RAB11FIP3: variants seen among roughly 807,000 people sequenced by gnomAD.
RAB11FIP3 encodes the protein rab11 family-interacting protein 3.
RAB11FIP3 carries 17 observed loss-of-function variants against 77.8 expected under a neutral mutation model. That is an observed-to-expected ratio of 0.22 (90% CI 0.15 to 0.33). RAB11FIP3 has a LOEUF of 0.33. RAB11FIP3 is among the 10% of genes least tolerant of loss of function. The probability of loss-of-function intolerance (pLI) is 1.00; values close to 1 mark genes in which losing one functional copy is unlikely to be tolerated. For synonymous variants in RAB11FIP3, 437 were observed against 448.2 expected (o/e 0.98, Z 0.31); for missense variants, 1,005 against 1,011.2 (o/e 0.99, Z 0.08).
chr16:466,555 C>A (rs557096531), intron 2 of RAB11FIP3, among the ~76,000 whole-genome samples: 1 of 152,206 alleles, frequency 6.6e-6, no homozygotes, highest in African/African-American at 2.4e-5. Context: ...CTGCTGCCCT[C>A]GGAGGAGCCC....
chr16:480,906 G>A (rs2056026587), intron 3 of RAB11FIP3, among the ~76,000 whole-genome samples: 1 of 112,472 alleles, frequency 8.9e-6, no homozygotes, highest in South Asian at 2.9e-4. Context: ...CACCTCCCTG[G>A]TTCAAGCAAT....
intron 1 of RAB11FIP3, among the ~76,000 whole-genome samples, chr16:442,911 C>T (rs569694260): frequency 2.8e-4 from 42 of 152,264 alleles, no homozygotes; most frequent in Non-Finnish European, 3.5e-4. Context: ...AGTTTTATTT[C>T]ATTCCAACAT....
chr16:507,505 C>A lies in RAB11FIP3; in HGVS notation c.1499+1878C>A, dbSNP rs888092301. Among the ~76,000 whole-genome samples the A allele has an allele frequency of 1.4e-4, 21 of 152,368 alleles. No homozygotes were observed. Among genetic ancestry groups the A allele is most frequent in the South Asian group, 2.1e-4 (1 of 4,830 alleles). ...CAAGCGATCCTCCCACCTTGGCCCCCCAAAGTGCTGAAATCAGAGGCGTGA... is the reference window on the plus strand; with the variant it reads ...CAAGCGATCCTCCCACCTTGGCCCCACAAAGTGCTGAAATCAGAGGCGTGA... On this transcript the variant is annotated intron_variant, in intron 8 of 13. Coordinates refer to ENST00000262305, the MANE Select transcript of RAB11FIP3 (RefSeq NM_014700.4). The surrounding 1 kb of genome is among the most constrained non-coding windows in gnomAD (Gnocchi z 4.6).
At chr16:483,953 G>A (rs1435447946) in intron 4 of RAB11FIP3, among the ~76,000 whole-genome samples, 1 of 152,082 alleles carries the variant, frequency 6.6e-6, no homozygotes, top group African/African-American at 2.4e-5. Flanking sequence ...CATCTTGCAT[G>A]TAGGGTTGAT....
chr16:483,506 C>T (rs2056087876), intron 4 of RAB11FIP3, among the ~76,000 whole-genome samples: 1 of 152,206 alleles, frequency 6.6e-6, no homozygotes, highest in African/African-American at 2.4e-5. Context: ...CACCACATTC[C>T]AGCCTGACTC....
chr16:463,042 G>T (rs1390135836), intron 2 of RAB11FIP3, among the ~76,000 whole-genome samples: 5 of 152,176 alleles, frequency 3.3e-5, no homozygotes, highest in Non-Finnish European at 5.9e-5. Context: ...CTGTATCTAG[G>T]AGTGGGTCAT....
At chr16:467,943 C>A (rs375317863) in intron 2 of RAB11FIP3, among the ~76,000 whole-genome samples, 27 of 95,812 alleles carry the variant, frequency 2.8e-4, no homozygotes, top group African/African-American at 9.8e-4. Context: ...GGTGCAGGGG[C>A]GTCAGGGAGG....
chr16:441,808 C>T (rs2141862321), intron 1 of RAB11FIP3, among the ~76,000 whole-genome samples: 1 of 152,318 alleles, frequency 6.6e-6, no homozygotes, highest in Middle Eastern at 3.4e-3. Flanking sequence ...AATTCCACAA[C>T]TCTTGAACTA....
chr16:474,132 T>A (rs186265782), intron 3 of RAB11FIP3, among the ~76,000 whole-genome samples: 145 of 151,976 alleles, frequency 9.5e-4, no homozygotes, highest in Non-Finnish European at 3.2e-4. Flanking sequence ...AAAAAAAAAG[T>A]CTAATAAAGA....
rs377184729 is a variant in RAB11FIP3 at position 482,748 on chromosome 16, G to A, written c.1115+12G>A. 210 of 1,582,214 alleles carry A rather than the reference G, an allele frequency of 1.3e-4. No individual in the cohort carries two copies. The highest frequency in any genetic ancestry group is 2.0e-4 in the Admixed American group (11 of 55,852). ...CTGCTCCCAGGCAGGTCTGTACCCC[G>A]CCACGGGCCTCCTGGAGAGGCCTTG... On this transcript the variant is annotated intron_variant, in intron 4 of 13. Transcript: ENST00000262305.
chr16:452,203 T>G (rs2055419951), intron 1 of RAB11FIP3, among the ~76,000 whole-genome samples: 1 of 150,958 alleles, frequency 6.6e-6, no homozygotes, highest in South Asian at 2.1e-4. Flanking sequence ...GGCATAGTGG[T>G]GGGGGCCTGT....
rs750314869 is a variant in RAB11FIP3, at chr16:518,257, T to C, written c.1641-686T>C. ...CTATGCTCGGCTAATTTTTGTATTT[T>C]TTTATAGAGATGGGGGTCTCACTAT... is the stretch of plus-strand genomic sequence containing the variant. On this transcript the variant is annotated intron_variant, in intron 9 of 13. Coordinates refer to ENST00000262305, the MANE Select transcript of RAB11FIP3 (RefSeq NM_014700.4). Among the ~76,000 whole-genome samples the C allele has an allele frequency of 2.8e-4, 42 of 152,324 alleles. 1 individual carries two copies. The highest frequency in any genetic ancestry group is 1.0e-3 in the South Asian group (5 of 4,828).
intron 3 of RAB11FIP3, among the ~76,000 whole-genome samples, chr16:475,301 T>A (rs1438447541): frequency 6.6e-6 from 1 of 152,246 alleles, no homozygotes; most frequent in Non-Finnish European, 1.5e-5. Flanking sequence ...AGCGACGTTT[T>A]CCAAGATGCA....
At chr16:491,122 C>T (rs1392672275) in intron 5 of RAB11FIP3, 3 of 1,291,658 alleles carry the variant, frequency 2.3e-6, no homozygotes, top group African/African-American at 3.0e-5. Flanking sequence ...ACGGATGCTT[C>T]TGTCTCTCTA....
rs368579079 is a variant in RAB11FIP3 at position 472,472 on chromosome 16, G to T, written c.903+1083G>T. ...CGTGTGGTGGGAGTTGGACCCTCTC[G>T]CATGGCTGCAGTGTGCAGAACGTGC... On this transcript the variant is annotated intron_variant, in intron 3 of 13. Transcript: ENST00000262305. This position sits in a 1 kb window ranked among gnomAD's most constrained non-coding sequence, Gnocchi z 4.1. Among the ~76,000 whole-genome samples, 1 of 152,190 alleles carries T rather than the reference G, an allele frequency of 6.6e-6. No homozygotes were observed. Among genetic ancestry groups the T allele is most frequent in the South Asian group, 2.1e-4 (1 of 4,834 alleles).
intron 6 of RAB11FIP3, among the ~76,000 whole-genome samples, chr16:499,722 C>T (rs1205691286): frequency 6.7e-6 from 1 of 148,956 alleles, no homozygotes; most frequent in Non-Finnish European, 1.5e-5. Context: ...TGCTTGAACC[C>T]AGAAGGCAGA....
chr16:483,489 G>A (rs2056087537), intron 4 of RAB11FIP3, among the ~76,000 whole-genome samples: 1 of 152,148 alleles, frequency 6.6e-6, no homozygotes, highest in Non-Finnish European at 1.5e-5. Context: ...TTATAGCAGC[G>A]ACAGCACACC....
At chr16:475,025 A>G in intron 3 of RAB11FIP3, 3 of 1,551,734 alleles carry the variant, frequency 1.9e-6, no homozygotes, top group Non-Finnish European at 2.6e-6. Context: ...GCCGGTCTCC[A>G]ACAGCATGCC....
intron 1 of RAB11FIP3, among the ~76,000 whole-genome samples, chr16:435,932 A>G (rs1267240025): frequency 6.6e-6 from 1 of 152,204 alleles, no homozygotes; most frequent in African/African-American, 2.4e-5. Flanking sequence ...ATGCTTTATG[A>G]AGATGGGCTA....
Sources: gnomAD v4.1 joint callset for allele counts (sites outside exome capture counted in the v4.1 genomes callset) on GRCh38, gnomAD v4.1.1 for gene constraint, Gnocchi (gnomAD v3.1) non-coding constraint, MANE v1.5 for transcripts, NCBI Gene and HGNC (gene_info 2026-07-23, HGNC 2026-07-21) for gene names.